CIRSR: variants seen among roughly 807,000 people sequenced by gnomAD.
CIRSR encodes corepressor of RBPJ and splicing regulator, also known as CBF1 (RBPJ) interacting corepressor 1.
chr2:174,371,556 A>G, the CIRSR span, among the ~76,000 whole-genome samples: 1 of 152,232 alleles, frequency 6.6e-6, no homozygotes, highest in African/African-American at 2.4e-5. Context: ...ATGAAAACTT[A>G]TAAAGTTAAG....
chr2:174,374,493 G>A, the CIRSR span, among the ~76,000 whole-genome samples: 1 of 152,190 alleles, frequency 6.6e-6, no homozygotes, highest in South Asian at 2.1e-4. Flanking sequence ...ACTGGCTGAT[G>A]TGCAAGATGT....
At chr2:174,378,085 C>A in the CIRSR span, among the ~76,000 whole-genome samples, 9 of 152,008 alleles carry the variant, frequency 5.9e-5, no homozygotes, top group African/African-American at 9.7e-5. Context: ...GCTTCATGCC[C>A]AGAGCATCTG....
the CIRSR span, among the ~76,000 whole-genome samples, chr2:174,383,867 A>G: frequency 6.8e-6 from 1 of 146,560 alleles, no homozygotes; most frequent in Non-Finnish European, 1.5e-5. Flanking sequence ...AAAAAAAAAA[A>G]GAAAATAACA....
chr2:174,388,043 C>G, the CIRSR span, among the ~76,000 whole-genome samples: 1 of 152,120 alleles, frequency 6.6e-6, no homozygotes, highest in African/African-American at 2.4e-5. Flanking sequence ...AGAAAGTTTA[C>G]AAATTTGTGT....
chr2:174,393,316 T>C, the CIRSR span, among the ~76,000 whole-genome samples: 1 of 152,256 alleles, frequency 6.6e-6, no homozygotes, highest in East Asian at 1.9e-4. Flanking sequence ...ACATAAATGA[T>C]TGAGGCAGCG....
At chr2:174,378,667 A>C in the CIRSR span, 2 of 439,808 alleles carry the variant, frequency 4.5e-6, no homozygotes, top group Non-Finnish European at 8.3e-6. Flanking sequence ...TGTTTAATGT[A>C]TTTTACTTTA....
the CIRSR span, among the ~76,000 whole-genome samples, chr2:174,392,209 G>A: frequency 6.6e-6 from 1 of 152,108 alleles, no homozygotes; most frequent in Non-Finnish European, 1.5e-5. Flanking sequence ...TGTTGGCCAG[G>A]CTGTCTTGAA....
chr2:174,380,904 TG>T, the CIRSR span: 2 of 974,594 alleles, frequency 2.1e-6, no homozygotes, highest in East Asian at 2.6e-5. Flanking sequence ...TATGATATCA[TG>T]TTATTTAATT....
At chr2:174,386,825 G>A in the CIRSR span, among the ~76,000 whole-genome samples, 1 of 152,100 alleles carries the variant, frequency 6.6e-6, no homozygotes, top group Admixed American at 6.5e-5. Context: ...CTAACATGCT[G>A]TATTTTTAAA....
At chr2:174,367,640 G>A in the CIRSR span, among the ~76,000 whole-genome samples, 1 of 151,474 alleles carries the variant, frequency 6.6e-6, no homozygotes, top group Non-Finnish European at 1.5e-5. Flanking sequence ...TACTTAGGAG[G>A]CTAAGGTGGG....
chr2:174,359,788 T>C, the CIRSR span, among the ~76,000 whole-genome samples: 4 of 152,156 alleles, frequency 2.6e-5, no homozygotes, highest in African/African-American at 9.7e-5. Flanking sequence ...CTATTCACAA[T>C]AGCAAAGACT....
the CIRSR span, chr2:174,348,350 CTA>C: frequency 1.2e-5 from 16 of 1,295,996 alleles, no homozygotes; most frequent in Middle Eastern, 2.8e-4. Context: ...AATTGACAGT[CTA>C]GAGATGAAAA....
the CIRSR span, among the ~76,000 whole-genome samples, chr2:174,379,754 C>T: frequency 0.16 from 19,624 of 124,108 alleles, 1,900 homozygotes; most frequent in African/African-American, 0.29. Flanking sequence ...GATGGAGTCT[C>T]GCTCTATTGC....
the CIRSR span, chr2:174,348,587 G>A: frequency 1.2e-5 from 19 of 1,613,952 alleles, no homozygotes; most frequent in Admixed American, 3.2e-4. Flanking sequence ...CATGGCTTCT[G>A]CTGTCATTTC....
At chr2:174,366,852 T>C in the CIRSR span, among the ~76,000 whole-genome samples, 14 of 152,308 alleles carry the variant, frequency 9.2e-5, no homozygotes, top group East Asian at 2.7e-3. Context: ...TGAAATTGTA[T>C]AGTATTCGAA....
chr2:174,370,379 C>A, the CIRSR span, among the ~76,000 whole-genome samples: 1 of 152,132 alleles, frequency 6.6e-6, no homozygotes, highest in African/African-American at 2.4e-5. Context: ...TACCTGTTTG[C>A]TTTGTGAAGA....
At chr2:174,368,387 T>C in the CIRSR span, among the ~76,000 whole-genome samples, 4 of 152,236 alleles carry the variant, frequency 2.6e-5, no homozygotes, top group Non-Finnish European at 5.9e-5. Context: ...CAGACCATAA[T>C]GGAATTCAAC....
At chr2:174,356,192 G>A in the CIRSR span, among the ~76,000 whole-genome samples, 3 of 152,126 alleles carry the variant, frequency 2.0e-5, no homozygotes, top group South Asian at 2.1e-4. Flanking sequence ...CTGGCCAGGC[G>A]CAGTGGCTCA....
chr2:174,354,414 TA>T, the CIRSR span, among the ~76,000 whole-genome samples: 93 of 77,550 alleles, frequency 1.2e-3, 2 homozygotes, highest in Non-Finnish European at 1.8e-3. Flanking sequence ...ATATATTATA[TA>T]TAATATATAT....
Sources: gnomAD v4.1 joint callset for allele counts (sites outside exome capture counted in the v4.1 genomes callset) on GRCh38, gnomAD v4.1.1 for gene constraint, MANE v1.5 for transcripts, NCBI Gene and HGNC (gene_info 2026-07-23, HGNC 2026-07-21) for gene names.